The following LYN variants were observed in gnomAD, a reference collection of about 807,000 sequenced individuals.
The protein encoded by LYN is tyrosine-protein kinase Lyn.
In LYN, 12 loss-of-function variants were observed where a neutral mutation model predicts 65.0. That is an observed-to-expected ratio of 0.18 (90% CI 0.12 to 0.30). LYN has a LOEUF of 0.30. Among genes scored for constraint, LYN ranks in the 10% least tolerant of loss-of-function variants. LYN has a pLI of 1.00. For missense variants in LYN, 380 were observed against 623.2 expected (o/e 0.61, Z 4.16); for synonymous variants, 222 against 221.2 (o/e 1.00, Z -0.03).
chr8:55,907,375 C>T (rs1805457093), intron 1 of LYN, among the ~76,000 whole-genome samples: 1 of 152,060 alleles, frequency 6.6e-6, no homozygotes, highest in African/African-American at 2.4e-5. Flanking sequence ...TAAGAATATG[C>T]ACTTCATTTC....
chr8:55,961,888 AC>A (rs1312533997), intron 8 of LYN, among the ~76,000 whole-genome samples: 4 of 129,282 alleles, frequency 3.1e-5, no homozygotes, highest in Non-Finnish European at 6.5e-5. Context: ...TCCCACCCAC[AC>A]CCTACCTGTC....
At chr8:55,942,054 A>G (rs1273606491) in intron 2 of LYN, 63 bp downstream of exon 2, 1 of 1,562,606 alleles carries the variant, frequency 6.4e-7, no homozygotes, top group African/African-American at 1.4e-5. Context: ...ACATAATTTA[A>G]ACACCAGTCT....
intron 10 of LYN, among the ~76,000 whole-genome samples, chr8:55,972,309 G>A (rs2130535064): frequency 6.6e-6 from 1 of 152,242 alleles, no homozygotes; most frequent in African/African-American, 2.4e-5. Flanking sequence ...ACCTCACTCA[G>A]ACTCTTTCCC....
intron 10 of LYN, among the ~76,000 whole-genome samples, chr8:55,975,375 G>T (rs558965598): frequency 6.6e-6 from 1 of 152,320 alleles, no homozygotes; most frequent in African/African-American, 2.4e-5. Flanking sequence ...GTGGGCACCA[G>T]TGTCCTCGTC....
chr8:56,001,435 T>G (rs1215607290), intron 12 of LYN, among the ~76,000 whole-genome samples: 2 of 152,106 alleles, frequency 1.3e-5, no homozygotes, highest in African/African-American at 4.8e-5. Context: ...AGCCACACAG[T>G]CTGCGTGCTC....
rs533956409 is a variant in LYN at position 56,011,439 on chromosome 8, A to G, written c.*1329A>G. On this transcript the variant is annotated 3_prime_UTR_variant, in exon 13 of 13. Transcript: ENST00000519728. ...GCTGTGGTCAGTGTAAAAATTGGTC[A>G]TCAGCTGGGGGCGGGGTGGTTAGAA... is the stretch of plus-strand genomic sequence containing the variant. 21 of 207,082 alleles carry G rather than the reference A, an allele frequency of 1.0e-4. No homozygotes were observed. The highest frequency in any genetic ancestry group is 1.8e-4 in the Non-Finnish European group (18 of 101,482). The allele number at this position is 207,082 out of a possible 1,614,324, so 12.8% of individuals were successfully genotyped here.
In LYN at chr8:55,900,004, G is replaced by A. The variant is rs551509394; in HGVS notation, c.-6+19901G>A. On this transcript the variant is annotated intron_variant, in intron 1 of 12. Transcript: ENST00000519728. ...CCTTGCCAATGTCATGTCACTGTAC[G>A]AGGTGGAGCTGAACTTGGGCCTAGG... Among the ~76,000 whole-genome samples the A allele has an allele frequency of 6.6e-5, 10 of 151,282 alleles. No homozygotes were observed. In the South Asian group the frequency reaches 1.9e-3, roughly 28 times the overall value.
intron 2 of LYN, among the ~76,000 whole-genome samples, chr8:55,942,818 A>G (rs1806664661): frequency 1.3e-5 from 2 of 150,354 alleles, no homozygotes; most frequent in Admixed American, 6.6e-5. Flanking sequence ...TAGTGAGATT[A>G]GCTCAGTGGT....
intron 1 of LYN, among the ~76,000 whole-genome samples, chr8:55,885,217 G>A (rs1399459763): frequency 1.3e-5 from 2 of 152,140 alleles, no homozygotes; most frequent in Non-Finnish European, 2.9e-5. Context: ...TGCATGAATC[G>A]GGATACATTT....
intron 12 of LYN, among the ~76,000 whole-genome samples, chr8:56,007,143 T>G (rs147419017): frequency 6.6e-6 from 1 of 152,338 alleles, no homozygotes; most frequent in East Asian, 1.9e-4. Flanking sequence ...TGACCTTTTA[T>G]GCAAATGAGG....
At chr8:55,933,660 T>G (rs1299990872) in intron 1 of LYN, among the ~76,000 whole-genome samples, 1 of 152,250 alleles carries the variant, frequency 6.6e-6, no homozygotes. Flanking sequence ...CTGTCAAGGC[T>G]GGACTCCACA....
intron 1 of LYN, among the ~76,000 whole-genome samples, chr8:55,885,763 C>G (rs1235064646): frequency 6.6e-6 from 1 of 152,170 alleles, no homozygotes; most frequent in East Asian, 1.9e-4. Flanking sequence ...TCACGGAGAG[C>G]AGAACTGTAG....
intron 1 of LYN, among the ~76,000 whole-genome samples, chr8:55,923,147 A>G (rs1009169055): frequency 6.6e-6 from 1 of 152,194 alleles, no homozygotes; most frequent in African/African-American, 2.4e-5. Context: ...AGTAAGGAAG[A>G]TGGAAATTCA....
intron 1 of LYN, among the ~76,000 whole-genome samples, chr8:55,920,830 G>A (rs530361186): frequency 3.0e-5 from 4 of 132,900 alleles, no homozygotes; most frequent in South Asian, 4.9e-4. Flanking sequence ...CAGCCTCAGC[G>A]GGATTATAGG....
At chr8:55,891,977 G>T (rs916785526) in intron 1 of LYN, among the ~76,000 whole-genome samples, 8 of 152,184 alleles carry the variant, frequency 5.3e-5, no homozygotes, top group African/African-American at 1.9e-4. Flanking sequence ...TGATAATGGA[G>T]AAATTTACAA....
intron 10 of LYN, among the ~76,000 whole-genome samples, chr8:55,972,698 A>G (rs967947585): frequency 6.6e-6 from 1 of 152,180 alleles, no homozygotes; most frequent in African/African-American, 2.4e-5. Flanking sequence ...TCACTTTTCC[A>G]TAGTGCATAA....
chr8:55,988,296 G>A (rs1808138284), intron 10 of LYN, among the ~76,000 whole-genome samples: 1 of 147,322 alleles, frequency 6.8e-6, no homozygotes, highest in Non-Finnish European at 1.5e-5. Context: ...TCCCTGGTGT[G>A]TGTGTGTGTG....
At chr8:55,989,879 C>CA (rs1808194858) in intron 10 of LYN, among the ~76,000 whole-genome samples, 1 of 152,094 alleles carries the variant, frequency 6.6e-6, no homozygotes, top group African/African-American at 2.4e-5. Flanking sequence ...TACATTGGTT[C>CA]AACCCAGGAA....
rs528514562 is a variant in LYN at position 55,997,880 on chromosome 8, C to G, written c.1051-466C>G. Among the ~76,000 whole-genome samples, 206 of 152,180 alleles carry G rather than the reference C, an allele frequency of 1.4e-3. 1 individual carries two copies. The highest frequency in any genetic ancestry group is 2.4e-3 in the Non-Finnish European group (166 of 68,006). On this transcript the variant is annotated intron_variant, in intron 10 of 12. Coordinates refer to ENST00000519728, the MANE Select transcript of LYN (RefSeq NM_002350.4). ...CGGGCGGATCACGAGGTCAGGAGAT[C>G]GAGACCATCCTGGCTAACATGGTGA... is the stretch of plus-strand genomic sequence containing the variant.
Sources: gnomAD v4.1 joint callset for allele counts (sites outside exome capture counted in the v4.1 genomes callset) on GRCh38, gnomAD v4.1.1 for gene constraint, MANE v1.5 for transcripts, NCBI Gene and HGNC (gene_info 2026-07-23, HGNC 2026-07-21) for gene names.